Variants in PRKCB observed in about 807,000 individuals in gnomAD.
The protein encoded by PRKCB is protein kinase C beta type.
Under a neutral mutation model 81.5 loss-of-function variants are expected in PRKCB, and 13 were observed. That is an observed-to-expected ratio of 0.16 (90% confidence interval 0.10 to 0.25). PRKCB has a LOEUF of 0.25. PRKCB is among the 10% of genes least tolerant of loss of function. The pLI is 1.00. For missense variants in PRKCB, 509 were observed against 875.7 expected (o/e 0.58, Z 5.29); for synonymous variants, 335 against 321.4 (o/e 1.04, Z -0.45).
chr16:24,193,768 G>T (rs992572986), intron 16 of PRKCB, among the ~76,000 whole-genome samples: 15 of 152,262 alleles, frequency 9.9e-5, no homozygotes, highest in African/African-American at 3.6e-4. Flanking sequence ...AGAAGAGAAA[G>T]TGTTGGAGAT....
chr16:24,020,802 T>G lies in PRKCB; in HGVS notation c.289-11334T>G, dbSNP rs545207246. On this transcript the variant is annotated intron_variant, in intron 3 of 16. Coordinates refer to ENST00000643927, the MANE Select transcript of PRKCB (RefSeq NM_002738.7). ...GTAAATGTCCAGGGATGACACAGTC[T>G]GAACTTGCAATTTGCTTTTCCTTTC... Among the ~76,000 whole-genome samples the G allele has an allele frequency of 3.9e-5, 6 of 152,336 alleles. 1 individual carries two copies. The South Asian group carries it at 1.2e-3, about 32-fold the overall frequency.
At chr16:24,050,517 AAC>A (rs1158640352) in intron 5 of PRKCB, among the ~76,000 whole-genome samples, 4 of 151,710 alleles carry the variant, frequency 2.6e-5, no homozygotes, top group East Asian at 3.9e-4. Context: ...CAAACTCACA[AAC>A]ACACACACAT....
intron 2 of PRKCB, among the ~76,000 whole-genome samples, chr16:23,907,087 A>G (rs1025001135): frequency 2.0e-5 from 3 of 152,170 alleles, no homozygotes; most frequent in Non-Finnish European, 4.4e-5. Flanking sequence ...GGGGTGGAAT[A>G]GGTCTTTGTT....
rs58292773 is a variant in PRKCB, at chr16:24,021,188, CTCTTTCTTTCTTTCTT to C, written c.289-10917_289-10902del. ...CTCTCTCCCTCCCTTCCCTTCCTTC[CTCTTTCTTTCTTTCTT>C]TCTTTCTTTCTTTCTTTCTTTCTTT... On this transcript the variant is annotated intron_variant, in intron 3 of 16. Transcript: ENST00000643927. Among the ~76,000 whole-genome samples the C allele has an allele frequency of 2.4e-3, 152 of 62,120 alleles. 5 individuals are homozygous for C. Among genetic ancestry groups the C allele is most frequent in the East Asian group, 0.017 (33 of 1,974 alleles). The allele number at this position is 62,120 out of a possible 152,430, so 40.8% of individuals were successfully genotyped here.
chr16:23,980,444 A>G (rs955017294), intron 2 of PRKCB, among the ~76,000 whole-genome samples: 9 of 152,244 alleles, frequency 5.9e-5, no homozygotes, highest in African/African-American at 2.2e-4. Flanking sequence ...CTTTTCCACC[A>G]AACAGTTTGC....
intron 15 of PRKCB, among the ~76,000 whole-genome samples, 172 bp from the exon 16 acceptor site, chr16:24,190,918 C>T (rs996665382): frequency 4.6e-5 from 7 of 152,124 alleles, no homozygotes; most frequent in African/African-American, 1.7e-4. Flanking sequence ...CAGGTCCTCT[C>T]CTGCAAATTC....
At chr16:24,031,536 G>T (rs1229125312) in intron 3 of PRKCB, among the ~76,000 whole-genome samples, 1 of 152,216 alleles carries the variant, frequency 6.6e-6, no homozygotes, top group Non-Finnish European at 1.5e-5. Context: ...CCTCTATCTG[G>T]ATAGCCATGC....
In PRKCB at chr16:23,969,793, G is replaced by T. The variant is rs567744338; in HGVS notation, c.206-18715G>T. On this transcript the variant is annotated intron_variant, in intron 2 of 16. Coordinates refer to ENST00000643927, the MANE Select transcript of PRKCB (RefSeq NM_002738.7). Reference sequence around the variant, plus strand: ...TGAAGTCCATGCCACCAGGCCTCTCGGGAACTTCATTGATCATACCATTAT... The same window carrying T: ...TGAAGTCCATGCCACCAGGCCTCTCTGGAACTTCATTGATCATACCATTAT... 5.3e-5 allele frequency among the ~76,000 whole-genome samples: 8 copies of T among 152,122 alleles called. No individual in the cohort carries two copies. The South Asian group carries it at 1.2e-3, about 24-fold the overall frequency.
Position 24,124,371 on chromosome 16 carries a change from G to A in PRKCB, c.1065+390G>A, listed in dbSNP as rs1013315. ...TCACTAGCAGAAGGAGGTATAGGACGTGATGTTGCAGAGATAAGCAGGGCC... is the reference window on the plus strand; with the variant it reads ...TCACTAGCAGAAGGAGGTATAGGACATGATGTTGCAGAGATAAGCAGGGCC... On this transcript the variant is annotated intron_variant, in intron 9 of 16. Transcript: ENST00000643927. Among the ~76,000 whole-genome samples, 12 of 152,220 alleles carry A rather than the reference G, an allele frequency of 7.9e-5. No individual in the cohort carries two copies. In the East Asian group the frequency reaches 1.7e-3, roughly 22 times the overall value.
At chr16:24,152,328 C>T (rs572397309) in intron 9 of PRKCB, among the ~76,000 whole-genome samples, 4 of 152,112 alleles carry the variant, frequency 2.6e-5, no homozygotes, top group African/African-American at 7.2e-5. Flanking sequence ...GGAAACCGCT[C>T]CCATGATTCA....
chr16:24,159,325 C>T (rs1331473911), intron 10 of PRKCB, among the ~76,000 whole-genome samples: 1 of 152,174 alleles, frequency 6.6e-6, no homozygotes, highest in Admixed American at 6.5e-5. Context: ...GTCATTGGCT[C>T]ATTGAGCTCA....
intron 5 of PRKCB, among the ~76,000 whole-genome samples, chr16:24,062,685 A>G (rs1338742226): frequency 6.6e-6 from 1 of 152,130 alleles, no homozygotes; most frequent in Non-Finnish European, 1.5e-5. Context: ...CTGTGCAGCC[A>G]CATTTGATCT....
chr16:23,890,539 G>A (rs945738383), intron 2 of PRKCB, among the ~76,000 whole-genome samples: 41 of 152,148 alleles, frequency 2.7e-4, no homozygotes, highest in African/African-American at 9.4e-4. Context: ...TTAGGAGCCT[G>A]GTCACTTCCA....
At chr16:24,165,347 T>A (rs1002017611) in intron 10 of PRKCB, among the ~76,000 whole-genome samples, 1 of 152,212 alleles carries the variant, frequency 6.6e-6, no homozygotes, top group Admixed American at 6.5e-5. Context: ...CCAGCCACAT[T>A]CTATTTTAGA....
chr16:24,207,490 T>C (rs1045636628), intron 16 of PRKCB, among the ~76,000 whole-genome samples: 1 of 152,228 alleles, frequency 6.6e-6, no homozygotes, highest in Non-Finnish European at 1.5e-5. Flanking sequence ...ACGTATACAT[T>C]TGTGTATATA....
At chr16:23,975,355 A>C (rs767828487) in intron 2 of PRKCB, among the ~76,000 whole-genome samples, 5 of 152,104 alleles carry the variant, frequency 3.3e-5, no homozygotes, top group African/African-American at 9.7e-5. Context: ...ACTCCTTGTC[A>C]TGTCAACAAA....
chr16:23,966,828 C>T lies in PRKCB; in HGVS notation c.206-21680C>T, dbSNP rs117788099. ...TCTGGGGACACAGCAGAGAATGAAC[C>T]GGGCAAAATTCCCTGCCCCCTTGGA... On this transcript the variant is annotated intron_variant, in intron 2 of 16. Transcript: ENST00000643927. Among the ~76,000 whole-genome samples the T allele has an allele frequency of 1.6e-3, 243 of 152,220 alleles. 5 individuals carry two copies. In the East Asian group the frequency reaches 0.042, roughly 26 times the overall value.
rs552637200 is a variant in PRKCB at position 24,035,663 on chromosome 16, G to A, written c.529+116G>A. 447 of 1,092,096 alleles carry A rather than the reference G, an allele frequency of 4.1e-4. 4 individuals are homozygous for A. The African/African-American group carries it at 6.2e-3, about 15-fold the overall frequency. 67.7% of individuals were successfully genotyped at this position (1,092,096 alleles called of 1,614,324 possible). On this transcript the variant is annotated intron_variant, in intron 5 of 16. Coordinates refer to ENST00000643927, the MANE Select transcript of PRKCB (RefSeq NM_002738.7). ...TGGAGGGGTGGGGCAGTCCAGGGAC[G>A]GGGAGGGGGTGTGGCACTGCTTCTG... is the stretch of plus-strand genomic sequence containing the variant.
In PRKCB at chr16:24,189,597, G is replaced by A. The variant is rs1170324406; in HGVS notation, c.1723-1493G>A. Reference sequence around the variant, plus strand: ...GTGGAGCTTGCAGTGACCCGAGATCGCGCCTCTGCACTCCAGCCTGGGTGA... The same window carrying A: ...GTGGAGCTTGCAGTGACCCGAGATCACGCCTCTGCACTCCAGCCTGGGTGA... On this transcript the variant is annotated intron_variant, in intron 15 of 16. Transcript: ENST00000643927. Among the ~76,000 whole-genome samples, 8 of 147,780 alleles carry A rather than the reference G, an allele frequency of 5.4e-5. No individual in the cohort carries two copies. The South Asian group carries it at 6.4e-4, about 12-fold the overall frequency.
Sources: gnomAD v4.1 joint callset for allele counts (sites outside exome capture counted in the v4.1 genomes callset) on GRCh38, gnomAD v4.1.1 for gene constraint, MANE v1.5 for transcripts, NCBI Gene and HGNC (gene_info 2026-07-23, HGNC 2026-07-21) for gene names.